Variants in ATP8A1 observed in about 807,000 individuals in gnomAD.
The protein encoded by ATP8A1 is ATPase phospholipid transporting 8A1, also known as phospholipid-transporting ATPase IA.
In ATP8A1, 90 loss-of-function variants were observed where a neutral mutation model predicts 177.7. The ratio of observed to expected loss-of-function variants is 0.51; its 90% CI spans 0.43 to 0.60. ATP8A1 has a LOEUF of 0.60. Among genes scored for constraint, ATP8A1 ranks in the 20% least tolerant of loss-of-function variants. The pLI, the probability that ATP8A1 is intolerant of heterozygous loss-of-function variation, is 0.00. For synonymous variants in ATP8A1, 493 were observed against 485.9 expected, an observed-to-expected ratio of 1.01 and a Z score of -0.19; for missense variants, 1,072 against 1,392.8, an observed-to-expected ratio of 0.77 and a Z score of 3.67.
chr4:42,638,560 C>T (rs1006215740), intron 1 of ATP8A1, among the ~76,000 whole-genome samples: 7 of 152,154 alleles, frequency 4.6e-5, no homozygotes, highest in African/African-American at 9.7e-5. Context: ...TAGTCATCTT[C>T]GGCATGCTGA....
intron 9 of ATP8A1, among the ~76,000 whole-genome samples, chr4:42,583,014 AAAG>A (rs1264723366): frequency 2.6e-5 from 4 of 152,234 alleles, no homozygotes; most frequent in Non-Finnish European, 1.5e-5. Context: ...AATTCTGGAA[AAAG>A]AAGGAAACAA....
At chr4:42,605,924 A>G (rs1735753908) in intron 5 of ATP8A1, among the ~76,000 whole-genome samples, 1 of 152,232 alleles carries the variant, frequency 6.6e-6, no homozygotes, top group African/African-American at 2.4e-5. Context: ...ACAGGTATGT[A>G]TACAAGGTAA....
At chr4:42,632,942 C>T (rs1193975787) in intron 1 of ATP8A1, among the ~76,000 whole-genome samples, 1 of 152,168 alleles carries the variant, frequency 6.6e-6, no homozygotes, top group African/African-American at 2.4e-5. Context: ...TTAATATCTG[C>T]TGAGCAGCAG....
chr4:42,515,138 T>C (rs1373418347), intron 22 of ATP8A1, among the ~76,000 whole-genome samples: 3 of 152,332 alleles, frequency 2.0e-5, no homozygotes, highest in Non-Finnish European at 4.4e-5. Flanking sequence ...AGAGTGAAAA[T>C]TGCGGAGCTT....
At chr4:42,428,459 T>C (rs1714880501) in intron 33 of ATP8A1, among the ~76,000 whole-genome samples, 1 of 152,198 alleles carries the variant, frequency 6.6e-6, no homozygotes, top group Admixed American at 6.5e-5. Flanking sequence ...TTACCCTGTG[T>C]CCAATATTTC....
At chr4:42,469,414 G>C (rs750697082) in intron 25 of ATP8A1, among the ~76,000 whole-genome samples, 1 of 152,164 alleles carries the variant, frequency 6.6e-6, no homozygotes, top group Non-Finnish European at 1.5e-5. Context: ...TGTAGGGAAG[G>C]AATGTGGCTG....
intron 24 of ATP8A1, among the ~76,000 whole-genome samples, chr4:42,489,328 T>G (rs1238113677): frequency 6.6e-6 from 1 of 152,162 alleles, no homozygotes; most frequent in Non-Finnish European, 1.5e-5. Context: ...GGGTATGCAG[T>G]CCTGTGGTCC....
chr4:42,502,809 C>T (rs957312748), intron 24 of ATP8A1, among the ~76,000 whole-genome samples: 21 of 152,328 alleles, frequency 1.4e-4, no homozygotes, highest in African/African-American at 4.1e-4. Flanking sequence ...ATCACCTCTA[C>T]GGCTCTGTCT....
chr4:42,475,032 A>G (rs1227911613), intron 25 of ATP8A1, among the ~76,000 whole-genome samples: 1 of 152,264 alleles, frequency 6.6e-6, no homozygotes, highest in African/African-American at 2.4e-5. Context: ...AATTCTCAGA[A>G]CAATCCCATA....
chr4:42,567,826 G>A (rs1043691372), intron 15 of ATP8A1, among the ~76,000 whole-genome samples: 7 of 152,252 alleles, frequency 4.6e-5, no homozygotes, highest in Middle Eastern at 3.4e-3. Context: ...TTTGAATGAC[G>A]TGAGTAAACA....
chr4:42,539,105 A>C (rs1728125625), intron 20 of ATP8A1, among the ~76,000 whole-genome samples: 1 of 152,190 alleles, frequency 6.6e-6, no homozygotes, highest in Non-Finnish European at 1.5e-5. Flanking sequence ...TGGCACTCGC[A>C]ACAACCTGGA....
chr4:42,494,688 T>G (rs1723091154), intron 24 of ATP8A1, among the ~76,000 whole-genome samples: 1 of 152,226 alleles, frequency 6.6e-6, no homozygotes, highest in South Asian at 2.1e-4. Flanking sequence ...CCACTGATTT[T>G]CTCTCTTAAT....
intron 33 of ATP8A1, among the ~76,000 whole-genome samples, chr4:42,425,347 C>T (rs1714472178): frequency 6.6e-6 from 1 of 152,114 alleles, no homozygotes; most frequent in Non-Finnish European, 1.5e-5. Flanking sequence ...GTGATGCTAA[C>T]GATGAATGGA....
At chr4:42,553,174 G>A (rs965768067) in intron 16 of ATP8A1, among the ~76,000 whole-genome samples, 1 of 152,304 alleles carries the variant, frequency 6.6e-6, no homozygotes, top group South Asian at 2.1e-4. Context: ...ACAACTTGGT[G>A]TTGTCAAATA....
chr4:42,595,665 C>T (rs1477458806), intron 6 of ATP8A1, among the ~76,000 whole-genome samples: 1 of 152,196 alleles, frequency 6.6e-6, no homozygotes, highest in Non-Finnish European at 1.5e-5. Flanking sequence ...GAAATCATGG[C>T]ACTTAGAATG....
chr4:42,543,961 C>G lies in ATP8A1; in HGVS notation c.1678G>C (p.Val560Leu). The G allele has an allele frequency of 1.2e-6, 2 of 1,613,238 alleles. No homozygotes were observed. The highest frequency in any genetic ancestry group is 1.7e-6 in the Non-Finnish European group (2 of 1,179,642). Residue 560 changes from valine (V) to leucine (L), a missense_variant, in exon 20 of 37, where the codon GTT (valine) becomes CTT (leucine). Physicochemically the swap from Val to Leu is conservative, Grantham distance 32. This residue lies in a region of ATP8A1 where 388 missense variants were observed against 471.7 expected (regional missense o/e 0.82). Transcript: ENST00000381668. Reference protein sequence around the residue: ...TSARKRMSVIVRTPSGKLRLY... With the variant: ...TSARKRMSVILRTPSGKLRLY... ...CGTAACTTTCCAGATGGAGTGCGAA[C>G]AATCACTGACATTCTTTTCCTAGCA...
At chr4:42,418,176 C>T (rs1441159950) in intron 35 of ATP8A1, among the ~76,000 whole-genome samples, 1 of 152,192 alleles carries the variant, frequency 6.6e-6, no homozygotes, top group Non-Finnish European at 1.5e-5. Context: ...TCTGACACCT[C>T]ATATTCCCTA....
At chr4:42,568,626 G>A (rs1731589764) in intron 15 of ATP8A1, among the ~76,000 whole-genome samples, 1 of 152,158 alleles carries the variant, frequency 6.6e-6, no homozygotes, top group African/African-American at 2.4e-5. Flanking sequence ...ATATACTAAA[G>A]TTAACTCTAG....
At chr4:42,434,361 A>G (rs1446613773) in intron 33 of ATP8A1, among the ~76,000 whole-genome samples, 1 of 152,228 alleles carries the variant, frequency 6.6e-6, no homozygotes, top group Non-Finnish European at 1.5e-5. Context: ...ATCTTTAAAA[A>G]GCCATCTCAT....
Sources: gnomAD v4.1 joint callset for allele counts (sites outside exome capture counted in the v4.1 genomes callset) on GRCh38, gnomAD v4.1.1 for gene constraint, gnomAD v4.1.1 regional missense constraint, MANE v1.5 for transcripts, NCBI Gene and HGNC (gene_info 2026-07-23, HGNC 2026-07-21) for gene names.